The following PDE1A variants were observed in gnomAD, a reference collection of about 807,000 sequenced individuals.
PDE1A encodes dual specificity calcium/calmodulin-dependent 3',5'-cyclic nucleotide phosphodiesterase 1A.
A neutral mutation model predicts 61.7 loss-of-function variants in PDE1A; 35 were observed. That is an observed-to-expected ratio of 0.57 (90% CI 0.43 to 0.75). The LOEUF is 0.75. Ranked by LOEUF, PDE1A falls within the 30% of genes least tolerant of loss-of-function variation. PDE1A has a pLI of 0.00. For synonymous variants in PDE1A, 232 were observed against 213.2 expected (o/e 1.09, Z -0.77); for missense variants, 597 against 630.6 (o/e 0.95, Z 0.57).
At chr2:182,148,209 G>A (rs183506555) in intron 13 of PDE1A, among the ~76,000 whole-genome samples, 3 of 152,092 alleles carry the variant, frequency 2.0e-5, no homozygotes, top group South Asian at 2.1e-4. Flanking sequence ...AATAAACATC[G>A]TCAAACAAAG....
At chr2:182,552,891 T>C in the PDE1A span, among the ~76,000 whole-genome samples, 1 of 152,146 alleles carries the variant, frequency 6.6e-6, no homozygotes, top group African/African-American at 2.4e-5. Context: ...CGAGCTGAGC[T>C]TTCGCTCGCC....
the PDE1A span, among the ~76,000 whole-genome samples, chr2:182,554,933 C>T: frequency 3.3e-5 from 5 of 152,250 alleles, no homozygotes; most frequent in Admixed American, 1.3e-4. Flanking sequence ...ACAATCTCAT[C>T]GATATCTTCT....
intron 1 of PDE1A, among the ~76,000 whole-genome samples, chr2:182,315,835 A>T (rs542904733): frequency 6.6e-6 from 1 of 152,284 alleles, no homozygotes; most frequent in Admixed American, 6.5e-5. Flanking sequence ...GATCTGGGAA[A>T]TTCAATATAC....
intron 1 of PDE1A, among the ~76,000 whole-genome samples, chr2:182,351,437 A>G (rs1361266360): frequency 1.3e-5 from 2 of 152,224 alleles, no homozygotes; most frequent in Non-Finnish European, 2.9e-5. Flanking sequence ...TAGGCTGATT[A>G]GACACATTTT....
At chr2:182,186,026 G>A in exon 13 of PDE1A, 1 of 1,614,032 alleles carries the variant, frequency 6.2e-7, no homozygotes, top group Non-Finnish European at 8.5e-7. Context: ...GGAGCCTTTT[G>A]TATTTGATCG....
intron 13 of PDE1A, among the ~76,000 whole-genome samples, chr2:182,148,616 T>A (rs977501745): frequency 3.9e-5 from 6 of 152,192 alleles, no homozygotes; most frequent in African/African-American, 1.2e-4. Flanking sequence ...CCATCAGCTT[T>A]CCAAATGTGG....
At chr2:182,541,782 T>C in the PDE1A span, among the ~76,000 whole-genome samples, 15 of 152,306 alleles carry the variant, frequency 9.8e-5, no homozygotes, top group Non-Finnish European at 1.9e-4. Flanking sequence ...CGTAGAAAAT[T>C]TGAAAATGTG....
intron 1 of PDE1A, chr2:182,522,502 T>A: frequency 6.6e-7 from 1 of 1,504,660 alleles, no homozygotes; most frequent in Non-Finnish European, 8.9e-7. Context: ...AGTGCTGATG[T>A]ACAAAGCTGA....
At chr2:182,617,730 C>CCTTT in the PDE1A span, among the ~76,000 whole-genome samples, 3 of 152,160 alleles carry the variant, frequency 2.0e-5, no homozygotes, top group South Asian at 6.2e-4. Context: ...TATCTCCATG[C>CCTTT]CTTTGCATTG....
intron 7 of PDE1A, among the ~76,000 whole-genome samples, chr2:182,220,201 A>G (rs916786860): frequency 3.3e-5 from 5 of 152,096 alleles, no homozygotes; most frequent in African/African-American, 4.8e-5. Flanking sequence ...TCATACCTCA[A>G]TATACAGAAA....
At chr2:182,334,441 T>C (rs780728273) in intron 1 of PDE1A, among the ~76,000 whole-genome samples, 13 of 152,322 alleles carry the variant, frequency 8.5e-5, no homozygotes, top group Middle Eastern at 6.8e-3. Flanking sequence ...TCAAGTTGGC[T>C]TCAACCCTGG....
intron 1 of PDE1A, among the ~76,000 whole-genome samples, chr2:182,320,062 C>T (rs929615686): frequency 6.6e-6 from 1 of 152,012 alleles, no homozygotes; most frequent in African/African-American, 2.4e-5. Context: ...AAAATAAGGG[C>T]CAACTGGAAG....
At chr2:182,623,586 C>A in the PDE1A span, among the ~76,000 whole-genome samples, 21,682 of 152,066 alleles carry the variant, frequency 0.14, 1,838 homozygotes, top group Middle Eastern at 0.23. Flanking sequence ...AGACCCCTGA[C>A]TACCTACAAG....
chr2:182,686,633 C>T, the PDE1A span, among the ~76,000 whole-genome samples: 1 of 152,216 alleles, frequency 6.6e-6, no homozygotes, highest in East Asian at 1.9e-4. Flanking sequence ...TTCTGCATTT[C>T]CAACTGAGGT....
At chr2:182,431,396 C>T (rs145013773), upstream of PDE1A, among the ~76,000 whole-genome samples, 1,945 of 152,216 alleles carry the variant, frequency 0.013, 27 homozygotes, top group South Asian at 0.048. Flanking sequence ...TTTCATTTGT[C>T]ATAACTAGGA....
the PDE1A span, among the ~76,000 whole-genome samples, chr2:182,708,458 C>T: frequency 1.3e-5 from 2 of 152,198 alleles, no homozygotes; most frequent in South Asian, 4.1e-4. Context: ...CAGATCTACA[C>T]TGCCTGTATT....
At chr2:182,619,483 A>G in the PDE1A span, among the ~76,000 whole-genome samples, 1 of 152,110 alleles carries the variant, frequency 6.6e-6, no homozygotes, top group African/African-American at 2.4e-5. Context: ...GCAGCAGAGC[A>G]AAATACAGCA....
intron 2 of PDE1A, among the ~76,000 whole-genome samples, chr2:182,438,727 G>C (rs1211279145): frequency 2.0e-5 from 3 of 151,974 alleles, no homozygotes; most frequent in Non-Finnish European, 4.4e-5. Context: ...AGAAATTACA[G>C]GAGACGAATC....
At chr2:182,517,112 T>C (rs1003693933) in intron 2 of PDE1A, among the ~76,000 whole-genome samples, 2 of 152,184 alleles carry the variant, frequency 1.3e-5, no homozygotes, top group Non-Finnish European at 1.5e-5. Flanking sequence ...TTCTGGTGTC[T>C]TCTGAGACTG....
Sources: gnomAD v4.1 joint callset for allele counts (sites outside exome capture counted in the v4.1 genomes callset) on GRCh38, gnomAD v4.1.1 for gene constraint, MANE v1.5 for transcripts, NCBI Gene and HGNC (gene_info 2026-07-23, HGNC 2026-07-21) for gene names.